WWOX: variants seen among roughly 807,000 people sequenced by gnomAD.
WWOX encodes the protein WW domain-containing oxidoreductase.
WWOX carries 69 observed loss-of-function variants against 46.2 expected under a neutral mutation model. The ratio of observed to expected loss-of-function variants is 1.49; its 90% confidence interval spans 1.23 to 1.82. The LOEUF (loss-of-function observed/expected upper bound fraction) is 1.82. WWOX is among the 40% of genes most tolerant of loss of function. The pLI is 0.00. For missense variants in WWOX, 919 were observed against 542.6 expected, an observed-to-expected ratio of 1.69 and a Z score of -6.89; for synonymous variants, 359 against 202.6, an observed-to-expected ratio of 1.77 and a Z score of -6.56.
intron 8 of WWOX, among the ~76,000 whole-genome samples, chr16:78,823,552 C>T (rs1000327845): frequency 6.6e-6 from 1 of 152,140 alleles, no homozygotes; most frequent in Non-Finnish European, 1.5e-5. Context: ...AAAGATGTTC[C>T]ATTCATTCAG....
In WWOX at chr16:78,128,193, T is replaced by G. The variant is rs180693797; in HGVS notation, c.409+13039T>G. Among the ~76,000 whole-genome samples, 152 of 152,300 alleles carry G rather than the reference T, an allele frequency of 1.0e-3. 1 individual carries two copies. Among genetic ancestry groups the G allele is most frequent in the African/African-American group, 3.6e-3 (149 of 41,548 alleles). On this transcript the variant is annotated intron_variant, in intron 4 of 8. Coordinates refer to ENST00000566780, the MANE Select transcript of WWOX (RefSeq NM_016373.4). ...ATAAAATAAGAGCTCTTGACTTTTT[T>G]TTTTTGTTGTTGTTAGGATATGGGG...
chr16:78,252,288 A>T (rs117850836), intron 5 of WWOX, among the ~76,000 whole-genome samples: 106 of 152,346 alleles, frequency 7.0e-4, no homozygotes, highest in East Asian at 1.2e-3. Context: ...AATCATATGT[A>T]TGTATATGTG....
intron 8 of WWOX, among the ~76,000 whole-genome samples, chr16:78,869,174 C>T (rs2151200685): frequency 6.6e-6 from 1 of 152,254 alleles, no homozygotes; most frequent in East Asian, 1.9e-4. Context: ...AGTCAACCAT[C>T]AGCTGACTTA....
chr16:78,563,647 T>G (rs192667757), intron 8 of WWOX, among the ~76,000 whole-genome samples: 149 of 152,184 alleles, frequency 9.8e-4, no homozygotes, highest in Non-Finnish European at 1.2e-3. Flanking sequence ...TAAACTATAT[T>G]AAATTATCCA....
chr16:78,861,438 C>A (rs1468468423), intron 8 of WWOX, among the ~76,000 whole-genome samples: 1 of 152,304 alleles, frequency 6.6e-6, no homozygotes, highest in East Asian at 1.9e-4. Context: ...AGTCTACCAT[C>A]CAGATTCAGT....
intron 8 of WWOX, among the ~76,000 whole-genome samples, chr16:78,864,074 T>G (rs1429017960): frequency 6.6e-6 from 1 of 152,212 alleles, no homozygotes; most frequent in Non-Finnish European, 1.5e-5. Context: ...TGTAAGTTTT[T>G]GTTGGAACAC....
intron 6 of WWOX, among the ~76,000 whole-genome samples, chr16:78,424,097 C>CTTT: frequency 8.1e-6 from 1 of 122,980 alleles, no homozygotes; most frequent in Non-Finnish European, 1.7e-5. Flanking sequence ...TTTTTCTTTT[C>CTTT]TTTTCTTTTC....
At chr16:78,903,764 A>G (rs2044887731) in intron 8 of WWOX, among the ~76,000 whole-genome samples, 1 of 152,142 alleles carries the variant, frequency 6.6e-6, no homozygotes, top group Non-Finnish European at 1.5e-5. Flanking sequence ...GAGCTCAGAA[A>G]AGTCACCCGT....
chr16:79,189,454 T>C (rs1346210120), intron 8 of WWOX, among the ~76,000 whole-genome samples: 1 of 148,360 alleles, frequency 6.7e-6, no homozygotes, highest in Admixed American at 6.7e-5. Context: ...TGTGTGTGTG[T>C]GTGTGTGTGT....
chr16:78,770,288 T>C (rs994388445), intron 8 of WWOX, among the ~76,000 whole-genome samples: 8 of 152,010 alleles, frequency 5.3e-5, no homozygotes, highest in Non-Finnish European at 8.8e-5. Flanking sequence ...GAGCCAGCGG[T>C]TGCAGTGAGC....
intron 8 of WWOX, among the ~76,000 whole-genome samples, chr16:79,097,717 G>T (rs2049105958): frequency 6.6e-6 from 1 of 152,102 alleles, no homozygotes; most frequent in African/African-American, 2.4e-5. Context: ...GAGGATAAAG[G>T]ATACTTTCTG....
chr16:78,315,468 G>A (rs147382075), intron 5 of WWOX, among the ~76,000 whole-genome samples: 27 of 152,200 alleles, frequency 1.8e-4, no homozygotes, highest in African/African-American at 6.5e-4. Context: ...GGCCAACATG[G>A]TGAGACCCCC....
At chr16:78,444,417 C>G (rs2083512449) in intron 8 of WWOX, among the ~76,000 whole-genome samples, 1 of 151,942 alleles carries the variant, frequency 6.6e-6, no homozygotes, top group Admixed American at 6.6e-5. Context: ...GGCCCACAGA[C>G]ATTGTATTTC....
At chr16:78,682,952 C>T (rs776299512) in intron 8 of WWOX, among the ~76,000 whole-genome samples, 26 of 152,152 alleles carry the variant, frequency 1.7e-4, no homozygotes, top group African/African-American at 3.9e-4. Context: ...GATTTCCCCG[C>T]GTAAATGAAT....
chr16:78,251,647 A>G (rs2037987095), intron 5 of WWOX, among the ~76,000 whole-genome samples: 1 of 152,216 alleles, frequency 6.6e-6, no homozygotes, highest in African/African-American at 2.4e-5. Flanking sequence ...GAAGATTCAA[A>G]AACATTACCG....
At chr16:78,795,932 G>A (rs184071466) in intron 8 of WWOX, among the ~76,000 whole-genome samples, 2 of 152,272 alleles carry the variant, frequency 1.3e-5, no homozygotes, top group East Asian at 3.9e-4. Flanking sequence ...CGAACGAAAT[G>A]GAAGATAATT....
At chr16:79,107,702 A>G (rs1444581870) in intron 8 of WWOX, among the ~76,000 whole-genome samples, 1 of 152,210 alleles carries the variant, frequency 6.6e-6, no homozygotes, top group Non-Finnish European at 1.5e-5. Context: ...ATTTTTCTTG[A>G]AAATGTTCAC....
intron 5 of WWOX, among the ~76,000 whole-genome samples, chr16:78,343,466 C>T (rs2081048539): frequency 8.3e-6 from 1 of 120,740 alleles, no homozygotes. Context: ...ATGTATATCC[C>T]TTGTTTTCAG....
chr16:79,108,865 C>T (rs1346513776), intron 8 of WWOX, among the ~76,000 whole-genome samples: 8 of 151,770 alleles, frequency 5.3e-5, no homozygotes, highest in Admixed American at 5.2e-4. Context: ...CATGCCGCTG[C>T]ACTCCAGCAT....
Sources: allele counts gnomAD v4.1 joint callset (sites outside exome capture counted in the v4.1 genomes callset), GRCh38; gene constraint gnomAD v4.1.1; transcripts MANE v1.5; gene names NCBI Gene and HGNC (gene_info 2026-07-23, HGNC 2026-07-21).